The following DDR2 variants were observed in gnomAD, a reference collection of about 807,000 sequenced individuals.
DDR2 encodes discoidin domain receptor tyrosine kinase 2, also known as discoidin domain-containing receptor 2.
DDR2 carries 27 observed loss-of-function variants against 94.9 expected under a neutral mutation model. The observed-to-expected ratio is 0.28, with a 90% CI of 0.21 to 0.39. DDR2 has a LOEUF of 0.39. Ranked by LOEUF, DDR2 falls within the 10% of genes least tolerant of loss-of-function variation. The pLI is 1.00. For synonymous variants in DDR2, 382 were observed against 377.2 expected (o/e 1.01, Z -0.15); for missense variants, 783 against 1,076.0 (o/e 0.73, Z 3.81).
intron 2 of DDR2, among the ~76,000 whole-genome samples, chr1:162,683,852 G>A (rs1307777928): frequency 3.3e-5 from 5 of 151,850 alleles, no homozygotes; most frequent in African/African-American, 7.3e-5. Flanking sequence ...CCAAATCTCA[G>A]CAACGTTGTT....
intron 2 of DDR2, among the ~76,000 whole-genome samples, chr1:162,689,798 G>GT (rs1270984435): frequency 7.8e-6 from 1 of 128,798 alleles, no homozygotes; most frequent in East Asian, 2.4e-4. Context: ...GAGGCCAGGA[G>GT]TTTGAGACCA....
intron 3 of DDR2, among the ~76,000 whole-genome samples, chr1:162,721,262 C>T (rs1661408550): frequency 6.6e-6 from 1 of 152,020 alleles, no homozygotes; most frequent in Admixed American, 6.6e-5. Flanking sequence ...ACACTGTGGC[C>T]CTGGAGCAGG....
At chr1:162,760,208 T>C (rs936936317) in intron 8 of DDR2, among the ~76,000 whole-genome samples, 7 of 152,132 alleles carry the variant, frequency 4.6e-5, no homozygotes, top group Non-Finnish European at 7.4e-5. Context: ...TTTGTTGTTT[T>C]GACACTAAAG....
chr1:162,671,584 T>C (rs1055775301), intron 2 of DDR2, among the ~76,000 whole-genome samples: 1 of 152,154 alleles, frequency 6.6e-6, no homozygotes, highest in Admixed American at 6.5e-5. Context: ...CCTTTCCTTC[T>C]CCTCTGTGTT....
At chr1:162,666,078 C>T (rs1397914462) in intron 2 of DDR2, among the ~76,000 whole-genome samples, 4 of 152,108 alleles carry the variant, frequency 2.6e-5, no homozygotes, top group Admixed American at 1.3e-4. Context: ...AAACTGTGTA[C>T]CAAAACGCCA....
chr1:162,718,329 C>T (rs559586762), intron 2 of DDR2, among the ~76,000 whole-genome samples: 1 of 152,296 alleles, frequency 6.6e-6, no homozygotes, highest in Non-Finnish European at 1.5e-5. Flanking sequence ...TATTAGAAAT[C>T]AAGATCTGAG....
intron 2 of DDR2, among the ~76,000 whole-genome samples, chr1:162,673,608 T>TGAGA (rs10684469): frequency 0.026 from 2,991 of 117,158 alleles, 60 homozygotes; most frequent in African/African-American, 0.036. Context: ...TGTGTGTGTG[T>TGAGA]GAGAGAGAGA....
At chr1:162,692,487 G>A (rs530642540) in intron 2 of DDR2, among the ~76,000 whole-genome samples, 84 of 152,222 alleles carry the variant, frequency 5.5e-4, no homozygotes, top group African/African-American at 2.0e-3. Flanking sequence ...GACAAGAAAA[G>A]GGAAAAGAGA....
At chr1:162,753,332 G>A in intron 4 of DDR2, 135 bp downstream of exon 4, 1 of 787,496 alleles carries the variant, frequency 1.3e-6, no homozygotes, top group Non-Finnish European at 2.2e-6. Flanking sequence ...CAGACAGCAA[G>A]TGGGCCTGTC....
chr1:162,657,119 C>T (rs1164361252), intron 2 of DDR2, among the ~76,000 whole-genome samples: 2 of 151,978 alleles, frequency 1.3e-5, no homozygotes, highest in East Asian at 3.9e-4. Flanking sequence ...GGATTACAGG[C>T]GTGAGCCACC....
intron 2 of DDR2, among the ~76,000 whole-genome samples, chr1:162,688,860 A>G (rs187034587): frequency 3.2e-4 from 49 of 152,268 alleles, no homozygotes; most frequent in Middle Eastern, 6.8e-3. Context: ...CCTGCCAGTC[A>G]CAGCTTGGTT....
chr1:162,746,112 C>A (rs993261217), intron 3 of DDR2, among the ~76,000 whole-genome samples: 24 of 152,282 alleles, frequency 1.6e-4, no homozygotes, highest in African/African-American at 5.8e-4. Flanking sequence ...GTTCATCTCA[C>A]TGGGACTTGT....
chr1:162,655,649 C>T (rs1203247785), intron 2 of DDR2, among the ~76,000 whole-genome samples: 1 of 152,226 alleles, frequency 6.6e-6, no homozygotes, highest in Non-Finnish European at 1.5e-5. Context: ...CCTAGAATGT[C>T]TTCCTCAGTT....
intron 15 of DDR2, 34 bp downstream of exon 15, chr1:162,775,877 G>A (rs1647519154): frequency 6.2e-7 from 1 of 1,611,934 alleles, no homozygotes; most frequent in Non-Finnish European, 8.5e-7. Context: ...TCCTCCCTGT[G>A]GTCATGAGAG....
chr1:162,660,361 C>T (rs1046170040), intron 2 of DDR2, among the ~76,000 whole-genome samples: 1 of 139,928 alleles, frequency 7.1e-6, no homozygotes, highest in Non-Finnish European at 1.6e-5. Context: ...GTTGGGACCC[C>T]CCGTACTTAT....
intron 10 of DDR2, among the ~76,000 whole-genome samples, chr1:162,766,769 C>T (rs1664010075): frequency 6.6e-6 from 1 of 152,068 alleles, no homozygotes; most frequent in South Asian, 2.1e-4. Context: ...CGTGGTGGCT[C>T]ACACCTGTAA....
chr1:162,652,853 C>T (rs1055510690), intron 1 of DDR2, among the ~76,000 whole-genome samples: 1 of 152,118 alleles, frequency 6.6e-6, no homozygotes, highest in Admixed American at 6.5e-5. Flanking sequence ...ACCTCTAATC[C>T]CAGCACTTTG....
chr1:162,776,046 C>A, intron 15 of DDR2, 90 bp from the exon 16 acceptor site: 1 of 1,359,372 alleles, frequency 7.4e-7, no homozygotes, highest in Non-Finnish European at 1.0e-6. Flanking sequence ...AGCTTTCAAC[C>A]CTAGTTTGTT....
At chr1:162,758,228 T>G (rs1026259722) in intron 7 of DDR2, among the ~76,000 whole-genome samples, 1 of 152,124 alleles carries the variant, frequency 6.6e-6, no homozygotes, top group African/African-American at 2.4e-5. Context: ...ATAATTGAAG[T>G]AATGAAATAT....
Sources: gnomAD v4.1 joint callset for allele counts (sites outside exome capture counted in the v4.1 genomes callset) on GRCh38, gnomAD v4.1.1 for gene constraint, MANE v1.5 for transcripts, NCBI Gene and HGNC (gene_info 2026-07-23, HGNC 2026-07-21) for gene names.